ANKRD30B: variants seen among roughly 807,000 people sequenced by gnomAD.
ANKRD30B encodes the protein ankyrin repeat domain-containing protein 30B.
In ANKRD30B, 144 loss-of-function variants were observed where a neutral mutation model predicts 202.2. That is an observed-to-expected ratio of 0.71 (90% CI 0.62 to 0.82). The LOEUF is 0.82. Ranked by LOEUF, ANKRD30B falls within the 40% of genes least tolerant of loss-of-function variation. ANKRD30B has a pLI of 0.00. For missense variants in ANKRD30B, 1,487 were observed against 1,669.1 expected (o/e 0.89, Z 1.90); for synonymous variants, 508 against 561.3 (o/e 0.91, Z 1.34).
chr18:14,799,744 A>AGTGT lies in ANKRD30B; in HGVS notation c.2131+465_2131+468dup, dbSNP rs58820145. 1.3e-4 allele frequency among the ~76,000 whole-genome samples: 20 copies of AGTGT among 150,330 alleles called. No homozygotes were observed. In the South Asian group the frequency reaches 1.5e-3, roughly 11 times the overall value. On this transcript the variant is annotated intron_variant, in intron 22 of 43. Coordinates refer to ENST00000690538, the MANE Select transcript of ANKRD30B (RefSeq NM_001367607.2). ...TCTTGTTTTTCTGATTAGGTGACTGAGTGTGTGTGTGTGTGTGTGACATAT... is the reference window on the plus strand; with the variant it reads ...TCTTGTTTTTCTGATTAGGTGACTGAGTGTGTGTGTGTGTGTGTGTGTGACATAT...
intron 39 of ANKRD30B, among the ~76,000 whole-genome samples, chr18:14,843,553 C>CTGTG (rs56044501): frequency 0.046 from 6,693 of 145,164 alleles, 152 homozygotes; most frequent in East Asian, 0.069. Flanking sequence ...AGCTTACTTT[C>CTGTG]TGTGTGTGTG....
At chr18:14,881,595 A>C in the ANKRD30B span, among the ~76,000 whole-genome samples, 2 of 152,196 alleles carry the variant, frequency 1.3e-5, no homozygotes, top group African/African-American at 4.8e-5. Context: ...CGCTGGCTTC[A>C]TAGAATGAAT....
chr18:14,908,706 A>C, the ANKRD30B span, among the ~76,000 whole-genome samples: 1 of 152,086 alleles, frequency 6.6e-6, no homozygotes, highest in Non-Finnish European at 1.5e-5. Context: ...AGGTGTTCTG[A>C]TGCTGCCTGG....
In ANKRD30B at chr18:14,772,143, T is replaced by A. The variant is rs746910041; in HGVS notation, c.1257-13T>A. On this transcript the variant is annotated splice_polypyrimidine_tract_variant and intron_variant, in intron 8 of 43. Coordinates refer to ENST00000690538, the MANE Select transcript of ANKRD30B (RefSeq NM_001367607.2). Reference sequence around the variant, plus strand: ...GAATTTGCTCATTTATGTTGTATCATTTTTCTTTAAAGTCTTTTTGGCACA... The same window carrying A: ...GAATTTGCTCATTTATGTTGTATCAATTTTCTTTAAAGTCTTTTTGGCACA... 2 of 1,469,936 alleles carry A rather than the reference T, an allele frequency of 1.4e-6. No individual in the cohort carries two copies. Among genetic ancestry groups the A allele is most frequent in the Non-Finnish European group, 1.8e-6 (2 of 1,097,516 alleles). 91.1% of individuals were successfully genotyped at this position (1,469,936 alleles called of 1,614,324 possible). A position where few individuals can be genotyped will look rare whatever the true frequency, so the allele number is the denominator to read the frequency against.
At chr18:14,883,545 C>G in the ANKRD30B span, 1 of 149,578 alleles carries the variant, frequency 6.7e-6, no homozygotes, top group African/African-American at 2.5e-5. Flanking sequence ...AGGTCTTATT[C>G]TCAGACGGTC....
At chr18:14,848,076 A>C (rs532447369) in intron 39 of ANKRD30B, among the ~76,000 whole-genome samples, 124 of 152,206 alleles carry the variant, frequency 8.1e-4, no homozygotes, top group African/African-American at 2.9e-3. Context: ...GTTCCACCTC[A>C]GTTTTTGTTT....
chr18:14,907,859 C>A, the ANKRD30B span, among the ~76,000 whole-genome samples: 64 of 152,104 alleles, frequency 4.2e-4, no homozygotes, highest in African/African-American at 1.5e-3. Context: ...CCAGAGCCAT[C>A]ATTTCATCTC....
chr18:14,882,664 C>T, the ANKRD30B span, among the ~76,000 whole-genome samples: 1 of 151,932 alleles, frequency 6.6e-6, no homozygotes, highest in East Asian at 1.9e-4. Flanking sequence ...TCTTTGTTGA[C>T]TTTCTGTCTT....
intron 34 of ANKRD30B, among the ~76,000 whole-genome samples, chr18:14,835,381 A>G (rs1055768787): frequency 6.6e-6 from 1 of 151,524 alleles, no homozygotes; most frequent in Non-Finnish European, 1.5e-5. Context: ...AACAGAGTAA[A>G]CAAACTTATC....
In ANKRD30B at chr18:14,791,510, T is replaced by C; in HGVS notation, c.1825+19T>C. On this transcript the variant is annotated intron_variant, in intron 16 of 43. Coordinates refer to ENST00000690538, the MANE Select transcript of ANKRD30B (RefSeq NM_001367607.2). ...TTAGAAGGTAAGAACCATTTTTTAA[T>C]TAAAAAGTCATTTGACCAAATATTT... 1 of 1,580,124 alleles carries C rather than the reference T, an allele frequency of 6.3e-7. No homozygotes were observed. Among genetic ancestry groups the C allele is most frequent in the South Asian group, 1.1e-5 (1 of 88,018 alleles).
At chr18:14,786,894 A>G (rs1598616323) in intron 14 of ANKRD30B, 145 bp from the exon 15 acceptor site, 3 of 665,366 alleles carry the variant, frequency 4.5e-6, no homozygotes, top group South Asian at 4.9e-5. Flanking sequence ...TGACTATAGA[A>G]GTAGTCACTG....
the ANKRD30B span, among the ~76,000 whole-genome samples, chr18:14,867,709 G>T: frequency 6.6e-6 from 1 of 152,046 alleles, no homozygotes; most frequent in Admixed American, 6.5e-5. Context: ...TGCTATTCTT[G>T]CTCCCCAGGG....
chr18:14,881,443 T>C, the ANKRD30B span, among the ~76,000 whole-genome samples: 13 of 152,194 alleles, frequency 8.5e-5, no homozygotes, highest in African/African-American at 1.7e-4. Flanking sequence ...CACTTGATCA[T>C]GGTGGATTAT....
At position 14,837,205 on chromosome 18, in the gene ANKRD30B, T is replaced by C; in HGVS notation, c.2848-6T>C. On this transcript the variant is annotated splice_polypyrimidine_tract_variant and splice_region_variant and intron_variant, in intron 34 of 43. Transcript: ENST00000690538. ...GTGTTTGCTTTCTGTGTTTTGTTTGTAATAGGAGGGAGCAACAAAGACAGT... is the reference window on the plus strand; with the variant it reads ...GTGTTTGCTTTCTGTGTTTTGTTTGCAATAGGAGGGAGCAACAAAGACAGT... 1 of 1,539,648 alleles carries C rather than the reference T, an allele frequency of 6.5e-7. No individual in the cohort carries two copies. Among genetic ancestry groups the C allele is most frequent in the South Asian group, 1.2e-5 (1 of 81,606 alleles).
Position 14,799,296 on chromosome 18 carries a change from G to A in ANKRD30B, c.2131+1G>A, listed in dbSNP as rs753101825. On this transcript the variant is annotated splice_donor_variant, in intron 22 of 43. Coordinates refer to ENST00000690538, the MANE Select transcript of ANKRD30B (RefSeq NM_001367607.2). LOFTEE classifies it high-confidence loss of function. ...AAGGACAGAGAAACATTCAAAGCAG[G>A]TAAATTTTGCAATTTTAATTTTACT... 3.3e-6 allele frequency: 5 copies of A among 1,521,170 alleles called. No homozygotes were observed. In the South Asian group the frequency reaches 3.9e-5, roughly 12 times the overall value. The allele number at this position is 1,521,170 out of a possible 1,614,324, so 94.2% of individuals were successfully genotyped here.
At chr18:14,926,674 ATC>A in the ANKRD30B span, among the ~76,000 whole-genome samples, 1 of 152,222 alleles carries the variant, frequency 6.6e-6, no homozygotes, top group Non-Finnish European at 1.5e-5. Flanking sequence ...AAGCATAAAA[ATC>A]AACTTTGGGA....
At chr18:14,755,931 G>A (rs1013065620) in intron 4 of ANKRD30B, among the ~76,000 whole-genome samples, 1 of 152,142 alleles carries the variant, frequency 6.6e-6, no homozygotes, top group Non-Finnish European at 1.5e-5. Context: ...TAATGGGATG[G>A]CTGGGTCAAA....
the ANKRD30B span, among the ~76,000 whole-genome samples, chr18:14,868,156 C>T: frequency 2.1e-4 from 32 of 152,380 alleles, no homozygotes; most frequent in African/African-American, 7.5e-4. Context: ...CCTTTGGCGT[C>T]AGTGCTAATG....
chr18:14,768,719 G>A (rs1169356325), intron 7 of ANKRD30B, among the ~76,000 whole-genome samples: 1 of 152,126 alleles, frequency 6.6e-6, no homozygotes, highest in Non-Finnish European at 1.5e-5. Flanking sequence ...TCTACACATA[G>A]AGCAGATAAA....
Sources: allele counts gnomAD v4.1 joint callset (sites outside exome capture counted in the v4.1 genomes callset), GRCh38; gene constraint gnomAD v4.1.1; transcripts MANE v1.5; gene names NCBI Gene and HGNC (gene_info 2026-07-23, HGNC 2026-07-21).